FOXP1: variants seen among roughly 807,000 people sequenced by gnomAD.
FOXP1 encodes forkhead box protein P1.
Under a neutral mutation model 98.2 loss-of-function variants are expected in FOXP1, and 15 were observed. That is an observed-to-expected ratio of 0.15 (90% CI 0.10 to 0.24). FOXP1 has a LOEUF of 0.24. Ranked by LOEUF, FOXP1 falls within the 10% of genes least tolerant of loss-of-function variation. FOXP1 has a pLI of 1.00. For missense variants in FOXP1, 633 were observed against 848.5 expected (o/e 0.75, Z 3.15); for synonymous variants, 371 against 314.5 (o/e 1.18, Z -1.90).
At chr3:70,973,616 G>T (rs1221989453) in intron 17 of FOXP1, among the ~76,000 whole-genome samples, 1 of 151,998 alleles carries the variant, frequency 6.6e-6, no homozygotes, top group African/African-American at 2.4e-5. Context: ...CTTTAGTCCC[G>T]CCTGGTTAAA....
intron 10 of FOXP1, among the ~76,000 whole-genome samples, chr3:71,042,937 G>A (rs775908684): frequency 2.0e-5 from 3 of 152,174 alleles, no homozygotes; most frequent in Non-Finnish European, 2.9e-5. Flanking sequence ...CTAATGAGGC[G>A]ATGGACTCCA....
intron 4 of FOXP1, among the ~76,000 whole-genome samples, chr3:71,315,158 G>C (rs2074998963): frequency 6.9e-6 from 1 of 145,116 alleles, no homozygotes; most frequent in Non-Finnish European, 1.5e-5. Context: ...ATAGAAACAA[G>C]CCCCTTTATA....
intron 3 of FOXP1, among the ~76,000 whole-genome samples, chr3:71,472,428 A>G (rs2089446841): frequency 6.9e-6 from 1 of 145,198 alleles, no homozygotes; most frequent in African/African-American, 2.5e-5. Flanking sequence ...AAATATGTAA[A>G]ATCATACTTT....
At chr3:71,265,368 G>T (rs1387549493) in intron 5 of FOXP1, among the ~76,000 whole-genome samples, 1 of 152,188 alleles carries the variant, frequency 6.6e-6, no homozygotes, top group East Asian at 1.9e-4. Flanking sequence ...GAAGCCTCAA[G>T]AACTGATGTA....
chr3:71,393,796 C>T (rs900163365), intron 3 of FOXP1, among the ~76,000 whole-genome samples: 2 of 152,210 alleles, frequency 1.3e-5, no homozygotes, highest in Non-Finnish European at 2.9e-5. Flanking sequence ...ACTTACATGG[C>T]TCCTGAAAAC....
intron 2 of FOXP1, among the ~76,000 whole-genome samples, chr3:71,502,177 A>T (rs192065751): frequency 6.6e-6 from 1 of 152,250 alleles, no homozygotes; most frequent in East Asian, 1.9e-4. Context: ...AGAAAACACA[A>T]ACCTTCCGTT....
At chr3:71,404,095 A>C (rs1400667246) in intron 3 of FOXP1, among the ~76,000 whole-genome samples, 1 of 89,310 alleles carries the variant, frequency 1.1e-5, no homozygotes, top group African/African-American at 4.0e-5. Flanking sequence ...ATCCCCATGT[A>C]TTGGGGTTTT....
intron 4 of FOXP1, among the ~76,000 whole-genome samples, chr3:71,352,475 A>AG (rs2077853830): frequency 6.7e-6 from 1 of 148,618 alleles, no homozygotes; most frequent in Non-Finnish European, 1.5e-5. Context: ...CATCTCAAAA[A>AG]AAAAAAAAAA....
At chr3:71,444,370 ATT>A (rs397947125) in intron 3 of FOXP1, among the ~76,000 whole-genome samples, 90 of 142,880 alleles carry the variant, frequency 6.3e-4, no homozygotes, top group Non-Finnish European at 6.4e-4. Context: ...ACAATCAAGG[ATT>A]TTTTTTTTTT....
At chr3:71,535,139 C>T (rs1247236378) in intron 2 of FOXP1, among the ~76,000 whole-genome samples, 1 of 152,142 alleles carries the variant, frequency 6.6e-6, no homozygotes, top group Non-Finnish European at 1.5e-5. Flanking sequence ...ATCCTGTGTT[C>T]CTTTAGTGGG....
chr3:71,468,216 C>T (rs748131528), intron 3 of FOXP1, among the ~76,000 whole-genome samples: 10 of 151,862 alleles, frequency 6.6e-5, no homozygotes, highest in Non-Finnish European at 1.2e-4. Flanking sequence ...AATTCAATCA[C>T]GATATGATGA....
At chr3:71,555,662 A>G (rs2046071593) in intron 2 of FOXP1, among the ~76,000 whole-genome samples, 1 of 152,302 alleles carries the variant, frequency 6.6e-6, no homozygotes, top group African/African-American at 2.4e-5. Context: ...AGTGGGTGGA[A>G]CGTGTTCCAG....
intron 6 of FOXP1, among the ~76,000 whole-genome samples, chr3:71,143,952 G>A (rs1168817089): frequency 6.6e-6 from 1 of 151,836 alleles, no homozygotes. Flanking sequence ...GACTTTTCAC[G>A]TCGCACTATA....
chr3:71,305,985 C>A (rs2074245458), intron 4 of FOXP1: 2 of 152,646 alleles, frequency 1.3e-5, no homozygotes, highest in East Asian at 3.9e-4. Context: ...TGGAAGCCTG[C>A]TGGCTCTCAG....
chr3:71,269,198 C>A (rs572111010), intron 5 of FOXP1, among the ~76,000 whole-genome samples: 3 of 150,972 alleles, frequency 2.0e-5, no homozygotes, highest in Admixed American at 1.3e-4. Context: ...AAAATCATCT[C>A]GAAAACATGA....
chr3:71,220,687 A>T (rs901581314), intron 5 of FOXP1, among the ~76,000 whole-genome samples: 2 of 151,982 alleles, frequency 1.3e-5, no homozygotes, highest in African/African-American at 4.8e-5. Flanking sequence ...TGGGAGGTGG[A>T]GGTTGCAGTG....
At chr3:71,160,645 C>T (rs145636679) in intron 6 of FOXP1, among the ~76,000 whole-genome samples, 11 of 152,308 alleles carry the variant, frequency 7.2e-5, no homozygotes, top group Admixed American at 3.3e-4. Context: ...CTCAGTTGCA[C>T]TCACATTTCA....
At chr3:71,470,593 A>T (rs1490336796) in intron 3 of FOXP1, among the ~76,000 whole-genome samples, 3 of 152,060 alleles carry the variant, frequency 2.0e-5, no homozygotes, top group Non-Finnish European at 2.9e-5. Flanking sequence ...ACAAAAAATT[A>T]GCCAGACGTG....
At chr3:71,480,725 T>C (rs1270391962) in intron 3 of FOXP1, among the ~76,000 whole-genome samples, 11 of 152,170 alleles carry the variant, frequency 7.2e-5, no homozygotes, top group Non-Finnish European at 7.3e-5. Flanking sequence ...AAATCTTTCA[T>C]AGCTTGTCAA....
Sources: allele counts gnomAD v4.1 joint callset (sites outside exome capture counted in the v4.1 genomes callset), GRCh38; gene constraint gnomAD v4.1.1; transcripts MANE v1.5; gene names NCBI Gene and HGNC (gene_info 2026-07-23, HGNC 2026-07-21).